ITGBL1: variants seen among roughly 807,000 people sequenced by gnomAD.
The protein encoded by ITGBL1 is integrin subunit beta like 1.
ITGBL1 carries 51 observed loss-of-function variants against 68.5 expected under a neutral mutation model. That is an observed-to-expected ratio of 0.74 (90% CI 0.59 to 0.94). The LOEUF (loss-of-function observed/expected upper bound fraction) is 0.94, where lower values mean the gene tolerates loss of function less well. Ranked by LOEUF, ITGBL1 falls within the 40% of genes least tolerant of loss-of-function variation. The pLI, the probability that ITGBL1 is intolerant of heterozygous loss-of-function variation, is 0.00. For missense variants in ITGBL1, 649 were observed against 647.4 expected (o/e 1.00, Z -0.03); for synonymous variants, 209 against 227.3 (o/e 0.92, Z 0.72).
At chr13:101,558,083 C>CAAAAAAAAAAAAAAAAAAAA (rs568103738) in intron 2 of ITGBL1, among the ~76,000 whole-genome samples, 2 of 71,710 alleles carry the variant, frequency 2.8e-5, no homozygotes, top group African/African-American at 1.4e-4. Context: ...AACTCCGTCT[C>CAAAAAAAAAAAAAAAAAAAA]AAAAAAAAAA....
intron 9 of ITGBL1, chr13:101,710,726 C>G (rs1422571361): frequency 1.3e-5 from 2 of 152,152 alleles, no homozygotes; most frequent in African/African-American, 4.8e-5. Flanking sequence ...CCATGGCACA[C>G]AGCTTGGTGG....
chr13:101,671,997 G>A (rs1422080180), intron 7 of ITGBL1, among the ~76,000 whole-genome samples: 3 of 152,060 alleles, frequency 2.0e-5, no homozygotes, highest in African/African-American at 7.2e-5. Context: ...GCCTTGGTTT[G>A]ACTTTTTAGT....
chr13:101,577,702 C>T (rs1462457629), intron 4 of ITGBL1, among the ~76,000 whole-genome samples: 1 of 152,010 alleles, frequency 6.6e-6, no homozygotes, highest in African/African-American at 2.4e-5. Context: ...GTCGTACAAA[C>T]CTGACTCCTA....
At chr13:101,598,491 T>G (rs540753251) in intron 7 of ITGBL1, among the ~76,000 whole-genome samples, 192 bp downstream of exon 7, 34 of 152,268 alleles carry the variant, frequency 2.2e-4, no homozygotes, top group African/African-American at 8.2e-4. Context: ...ATGTGCAGGT[T>G]TGTTACATAT....
intron 7 of ITGBL1, among the ~76,000 whole-genome samples, 158 bp from the exon 8 acceptor site, chr13:101,692,427 C>CCT (rs1401640784): frequency 6.6e-6 from 1 of 152,158 alleles, no homozygotes; most frequent in African/African-American, 2.4e-5. Flanking sequence ...CTTCAGCTTA[C>CCT]CTTAGGGAGG....
chr13:101,681,124 T>A (rs1203593543), intron 7 of ITGBL1, among the ~76,000 whole-genome samples: 2 of 152,212 alleles, frequency 1.3e-5, no homozygotes, highest in Non-Finnish European at 2.9e-5. Context: ...ATGATCAAAG[T>A]AATGCAGACA....
chr13:101,709,386 A>G (rs1196463449), intron 9 of ITGBL1, among the ~76,000 whole-genome samples: 3 of 149,368 alleles, frequency 2.0e-5, no homozygotes, highest in African/African-American at 7.4e-5. Flanking sequence ...AAAAAAAAAA[A>G]AAAAAAAAAA....
Position 101,583,955 on chromosome 13 carries a change from G to A in ITGBL1, c.868+599G>A, listed in dbSNP as rs577469111. 3.9e-5 allele frequency among the ~76,000 whole-genome samples: 6 copies of A among 152,298 alleles called. No individual in the cohort carries two copies. The East Asian group carries it at 7.7e-4, about 20-fold the overall frequency. On this transcript the variant is annotated intron_variant, in intron 6 of 10. Coordinates refer to ENST00000376180, the MANE Select transcript of ITGBL1 (RefSeq NM_004791.3). ...GTTCAACTCTGAGACTACAAAACTA[G>A]CAGAGCTGTTGACAATGAACAGGAT...
At chr13:101,531,609 T>TG (rs201777368) in intron 2 of ITGBL1, among the ~76,000 whole-genome samples, 1,721 of 132,934 alleles carry the variant, frequency 0.013, 45 homozygotes, top group Non-Finnish European at 0.016. Flanking sequence ...GCGTATTTTT[T>TG]GGGGGGAGGG....
At chr13:101,699,386 C>T (rs1490522264) in intron 8 of ITGBL1, among the ~76,000 whole-genome samples, 1 of 152,066 alleles carries the variant, frequency 6.6e-6, no homozygotes, top group Non-Finnish European at 1.5e-5. Context: ...TGGCTGTGTC[C>T]CCACGCAAAT....
intron 7 of ITGBL1, among the ~76,000 whole-genome samples, chr13:101,690,049 A>T (rs2033849072): frequency 6.6e-6 from 1 of 152,196 alleles, no homozygotes; most frequent in Admixed American, 6.5e-5. Flanking sequence ...CAAAAGGTTA[A>T]TTCATCTCAT....
intron 2 of ITGBL1, among the ~76,000 whole-genome samples, chr13:101,562,215 G>C (rs187575069): frequency 1.6e-4 from 24 of 151,966 alleles, no homozygotes; most frequent in Admixed American, 1.4e-3. Context: ...TATACAAATA[G>C]CAGAGGAAAT....
chr13:101,676,984 C>T (rs1272851834), intron 7 of ITGBL1, among the ~76,000 whole-genome samples: 4 of 152,090 alleles, frequency 2.6e-5, no homozygotes, highest in East Asian at 1.9e-4. Context: ...ATTAGCTGGG[C>T]GTGGTGGCAC....
intron 7 of ITGBL1, among the ~76,000 whole-genome samples, chr13:101,683,840 A>G (rs911817100): frequency 1.1e-4 from 17 of 151,846 alleles, no homozygotes; most frequent in African/African-American, 4.1e-4. Context: ...ATCTTTTCAT[A>G]TATTTACTGG....
chr13:101,499,867 C>T (rs2048913635), intron 2 of ITGBL1, among the ~76,000 whole-genome samples: 1 of 152,146 alleles, frequency 6.6e-6, no homozygotes, highest in Non-Finnish European at 1.5e-5. Context: ...CTAATTTGCC[C>T]CTGAGATGGA....
intron 8 of ITGBL1, among the ~76,000 whole-genome samples, chr13:101,705,367 A>ACC (rs1474686826): frequency 6.6e-6 from 1 of 151,296 alleles, no homozygotes; most frequent in Admixed American, 6.6e-5. Context: ...ACTTCTGCTT[A>ACC]CCTCTCAGTG....
Position 101,574,019 on chromosome 13 carries a change from C to T in ITGBL1, c.464-1405C>T, listed in dbSNP as rs184574770. Among the ~76,000 whole-genome samples the T allele has an allele frequency of 1.2e-4, 19 of 152,220 alleles. No homozygotes were observed. In the East Asian group the frequency reaches 3.7e-3, roughly 29 times the overall value. ...AACAGCCTTTTAACTCATTTCTTTG[C>T]ATCCACTTTTGCCTCATTTCAGTTC... On this transcript the variant is annotated intron_variant, in intron 3 of 10. Coordinates refer to ENST00000376180, the MANE Select transcript of ITGBL1 (RefSeq NM_004791.3).
intron 7 of ITGBL1, among the ~76,000 whole-genome samples, chr13:101,601,971 C>T (rs2030411771): frequency 6.6e-6 from 1 of 151,998 alleles, no homozygotes; most frequent in Non-Finnish European, 1.5e-5. Context: ...AATAATAAAT[C>T]CAATTTCCAT....
chr13:101,638,900 G>A (rs563630814), intron 7 of ITGBL1, among the ~76,000 whole-genome samples: 93 of 152,162 alleles, frequency 6.1e-4, no homozygotes, highest in African/African-American at 2.2e-3. Flanking sequence ...ATAAATTTTG[G>A]CTTTTAATCG....
Sources: allele counts gnomAD v4.1 joint callset (sites outside exome capture counted in the v4.1 genomes callset), GRCh38; gene constraint gnomAD v4.1.1; transcripts MANE v1.5; gene names NCBI Gene and HGNC (gene_info 2026-07-23, HGNC 2026-07-21).